CD4: variants seen among roughly 807,000 people sequenced by gnomAD.
CD4 encodes CD4 molecule, also known as T-cell surface glycoprotein CD4.
In CD4, 25 loss-of-function variants were observed where a neutral mutation model predicts 50.5. The observed-to-expected ratio is 0.49, with a 90% CI of 0.36 to 0.69. The LOEUF (loss-of-function observed/expected upper bound fraction) is 0.69. Ranked by LOEUF, CD4 falls within the 30% of genes least tolerant of loss-of-function variation. The probability of loss-of-function intolerance (pLI) is 0.00; values close to 1 mark genes in which losing one functional copy is unlikely to be tolerated. For synonymous variants in CD4, 207 were observed against 221.9 expected (o/e 0.93, Z 0.60); for missense variants, 456 against 548.5 (o/e 0.83, Z 1.68).
chr12:6,796,124 A>G (rs1942369170), intron 1 of CD4, among the ~76,000 whole-genome samples: 1 of 152,248 alleles, frequency 6.6e-6, no homozygotes, highest in South Asian at 2.1e-4. Context: ...AGCCAAAGCC[A>G]TACCAAGTCC....
In CD4 at chr12:6,816,337, C is replaced by G. The variant is rs1555117942; in HGVS notation, c.889C>G (p.Leu297Val). The change falls in exon 6 of 10, where the codon CTC becomes GTC. Residue 297 changes from leucine (L) to valine (V), a missense_variant. Coordinates refer to ENST00000011653, the MANE Select transcript of CD4 (RefSeq NM_000616.5). This position sits in a 1 kb window ranked among gnomAD's most constrained non-coding sequence, Gnocchi z 4.9. Reference protein sequence around the residue: ...ALPQYAGSGNLTLALEAKTGK... With the variant: ...ALPQYAGSGNVTLALEAKTGK... Reference sequence around the variant, plus strand: ...GCCTCAGTATGCTGGCTCTGGAAACCTCACCCTGGCCCTTGAAGCGAAAAC... The same window carrying G: ...GCCTCAGTATGCTGGCTCTGGAAACGTCACCCTGGCCCTTGAAGCGAAAAC... 6.2e-7 allele frequency: 1 copy of G among 1,614,234 alleles called. No homozygotes were observed. Among genetic ancestry groups the G allele is most frequent in the Non-Finnish European group, 8.5e-7 (1 of 1,180,038 alleles).
At chr12:6,805,203 A>G (rs1268816515) in intron 3 of CD4, among the ~76,000 whole-genome samples, 1 of 36,396 alleles carries the variant, frequency 2.7e-5, no homozygotes, top group Admixed American at 4.1e-4. Context: ...AAAAAAAAAA[A>G]AAAGAAAAGA....
At position 6,818,598 on chromosome 12, in the gene CD4, C is replaced by G; in HGVS notation, c.1278+56C>G. Reference sequence around the variant, plus strand: ...GCCCTCAAACCCCTGAGTCCTCTACCAGGAGATCCTGTATATGGGAACTGA... The same window carrying G: ...GCCCTCAAACCCCTGAGTCCTCTACGAGGAGATCCTGTATATGGGAACTGA... On this transcript the variant is annotated intron_variant, in intron 8 of 9. Transcript: ENST00000011653. This position sits in a 1 kb window ranked among gnomAD's most constrained non-coding sequence, Gnocchi z 5.0. 7 of 1,606,064 alleles carry G rather than the reference C, an allele frequency of 4.4e-6. No homozygotes were observed. The highest frequency in any genetic ancestry group is 5.1e-6 in the Non-Finnish European group (6 of 1,176,330).
At chr12:6,808,181 G>A (rs1038403689) in intron 3 of CD4, among the ~76,000 whole-genome samples, 96 of 151,126 alleles carry the variant, frequency 6.4e-4, no homozygotes, top group African/African-American at 2.2e-3. Context: ...TTGGCCAGGC[G>A]CAGTGGCTCA....
chr12:6,810,939 C>T (rs932486022), intron 3 of CD4, among the ~76,000 whole-genome samples: 3 of 151,912 alleles, frequency 2.0e-5, no homozygotes, highest in Admixed American at 6.6e-5. Context: ...GGGTGCCTGC[C>T]GTGCTCTGAG....
At position 6,814,119 on chromosome 12, in the gene CD4, C is replaced by T. The variant is rs782080125; in HGVS notation, c.215-23C>T. 1.3e-5 allele frequency: 21 copies of T among 1,610,294 alleles called. 1 individual carries two copies. The Admixed American group carries it at 1.8e-4, about 14-fold the overall frequency. On this transcript the variant is annotated intron_variant, in intron 3 of 9. Coordinates refer to ENST00000011653, the MANE Select transcript of CD4 (RefSeq NM_000616.5). ...CTGTCTCCAGGGCGCCTCAGTCCCCCCCCATATGTCTTCTGCTCCCAGGTC... is the reference window on the plus strand; with the variant it reads ...CTGTCTCCAGGGCGCCTCAGTCCCCTCCCATATGTCTTCTGCTCCCAGGTC...
chr12:6,806,190 AGTATATACACAT>A (rs1198391220), intron 3 of CD4, among the ~76,000 whole-genome samples: 13 of 77,158 alleles, frequency 1.7e-4, no homozygotes, highest in East Asian at 3.1e-4. Flanking sequence ...CACATACACA[AGTATATACACAT>A]ATATATACAC....
intron 1 of CD4, among the ~76,000 whole-genome samples, chr12:6,791,303 C>T (rs1189452173): frequency 1.3e-5 from 2 of 152,148 alleles, no homozygotes; most frequent in South Asian, 2.1e-4. Context: ...AGTGCAATGA[C>T]GTGATCTCCA....
intron 5 of CD4, chr12:6,815,781 A>T: frequency 1.3e-5 from 18 of 1,431,156 alleles, no homozygotes; most frequent in Non-Finnish European, 1.7e-5. Flanking sequence ...TCTGTGGTCC[A>T]GGAATCCTAA....
chr12:6,799,994 A>AG (rs556120026), intron 1 of CD4, 78 bp from the exon 2 acceptor site: 197 of 706,110 alleles, frequency 2.8e-4, no homozygotes, highest in Non-Finnish European at 4.7e-4. Context: ...AAGGGTCCTG[A>AG]GGGAGAGGTT....
At position 6,813,212 on chromosome 12, in the gene CD4, TA is replaced by T. The variant is rs201216685; in HGVS notation, c.215-922del. 1.3e-3 allele frequency among the ~76,000 whole-genome samples: 183 copies of T among 144,854 alleles called. 1 individual carries two copies. Among genetic ancestry groups the T allele is most frequent in the African/African-American group, 3.9e-3 (146 of 37,028 alleles). On this transcript the variant is annotated intron_variant, in intron 3 of 9. Transcript: ENST00000011653. ...ACCTCAGCCTCCCAAGGCGGCTAAT[TA>T]AAAAAAATTTTTTTTTTTTTTTTTT... is the stretch of plus-strand genomic sequence containing the variant.
intron 1 of CD4, among the ~76,000 whole-genome samples, chr12:6,793,273 G>A (rs1942224845): frequency 6.6e-6 from 1 of 152,124 alleles, no homozygotes. Flanking sequence ...TGGAGCTGGG[G>A]GAGTCAAAAC....
At chr12:6,811,464 TTTTC>T (rs1942932634) in intron 3 of CD4, among the ~76,000 whole-genome samples, 1 of 149,264 alleles carries the variant, frequency 6.7e-6, no homozygotes, top group African/African-American at 2.5e-5. Flanking sequence ...TTAAAACATT[TTTTC>T]TTTTCTTTTT....
intron 1 of CD4, among the ~76,000 whole-genome samples, chr12:6,797,851 G>GT (rs1388140844): frequency 6.6e-6 from 1 of 152,192 alleles, no homozygotes; most frequent in Non-Finnish European, 1.5e-5. Flanking sequence ...TGTATGATCG[G>GT]TTTTACACCG....
chr12:6,804,147 T>TAAATA (rs1942653219), intron 3 of CD4, among the ~76,000 whole-genome samples: 1 of 84,612 alleles, frequency 1.2e-5, no homozygotes, highest in African/African-American at 3.6e-5. Flanking sequence ...AATAAATAAA[T>TAAATA]AAATAAAATA....
intron 1 of CD4, among the ~76,000 whole-genome samples, chr12:6,793,972 ATC>A (rs1234459394): frequency 6.9e-6 from 1 of 144,150 alleles, no homozygotes; most frequent in Non-Finnish European, 1.5e-5. Context: ...ATCTATCTAT[ATC>A]TATCTATCTA....
At chr12:6,801,027 T>A (rs961790326) in intron 3 of CD4, among the ~76,000 whole-genome samples, 3 of 151,752 alleles carry the variant, frequency 2.0e-5, no homozygotes, top group Non-Finnish European at 4.4e-5. Context: ...CACCTCAGCC[T>A]CCCAAGTAGC....
At chr12:6,803,298 G>C (rs1555115661) in intron 3 of CD4, among the ~76,000 whole-genome samples, 1 of 151,926 alleles carries the variant, frequency 6.6e-6, no homozygotes, top group East Asian at 2.0e-4. Flanking sequence ...TTACAGGTGT[G>C]CACCACCATG....
rs1284510958 is a variant in CD4 at position 6,820,524 on chromosome 12, C to CTT, written c.*1196_*1197dup. 1 of 152,376 alleles carries CTT rather than the reference C, an allele frequency of 6.6e-6. No homozygotes were observed. Among genetic ancestry groups the CTT allele is most frequent in the African/African-American group, 2.4e-5 (1 of 41,446 alleles). The allele number at this position is 152,376 out of a possible 1,614,324, so 9.4% of individuals were successfully genotyped here. A position where few individuals can be genotyped will look rare whatever the true frequency, so the allele number is the denominator to read the frequency against. On this transcript the variant is annotated 3_prime_UTR_variant, in exon 10 of 10. Coordinates refer to ENST00000011653, the MANE Select transcript of CD4 (RefSeq NM_000616.5). ...GCTCTGCGCCTGCCCCACACCCTCCCTTACCCTCCTCCAGACCATTCAGGA... is the reference window on the plus strand; with the variant it reads ...GCTCTGCGCCTGCCCCACACCCTCCCTTTTACCCTCCTCCAGACCATTCAGGA...
Sources: allele counts gnomAD v4.1 joint callset (sites outside exome capture counted in the v4.1 genomes callset), GRCh38; gene constraint gnomAD v4.1.1; non-coding constraint Gnocchi (gnomAD v3.1); transcripts MANE v1.5; gene names NCBI Gene and HGNC (gene_info 2026-07-23, HGNC 2026-07-21).